The following FGD4 variants were observed in gnomAD, a reference collection of about 807,000 sequenced individuals.
The protein encoded by FGD4 is FYVE, RhoGEF and PH domain containing 4, also known as FYVE, RhoGEF and PH domain-containing protein 4.
FGD4 carries 42 observed loss-of-function variants against 102.0 expected under a neutral mutation model. The observed-to-expected ratio is 0.41, with a 90% CI of 0.32 to 0.53. The LOEUF is 0.53. Ranked by LOEUF, FGD4 falls within the 20% of genes least tolerant of loss-of-function variation. The probability of loss-of-function intolerance (pLI) is 0.21; values close to 1 mark genes in which losing one functional copy is unlikely to be tolerated. For synonymous variants in FGD4, 380 were observed against 375.7 expected (o/e 1.01, Z -0.13); for missense variants, 902 against 1,078.2 (o/e 0.84, Z 2.29).
intron 1 of FGD4, among the ~76,000 whole-genome samples, chr12:32,456,835 TG>T (rs752474921): frequency 6.6e-6 from 1 of 152,226 alleles, no homozygotes; most frequent in Non-Finnish European, 1.5e-5. Flanking sequence ...ACAAATAACC[TG>T]CCGTTTTCTT....
In FGD4 at chr12:32,576,260, C is replaced by T; in HGVS notation, c.320-6C>T. ...TGAAATACTATATTCTATTCTTTTT[C>T]TACAGTGCCTCCAAAGCCATTACAC... On this transcript the variant is annotated splice_region_variant and splice_polypyrimidine_tract_variant and intron_variant, in intron 2 of 16. Transcript: ENST00000534526. The T allele has an allele frequency of 6.3e-7, 1 of 1,578,288 alleles. No individual in the cohort carries two copies. Among genetic ancestry groups the T allele is most frequent in the South Asian group, 1.1e-5 (1 of 87,324 alleles).
At chr12:32,620,006 G>A in intron 11 of FGD4, 136 bp downstream of exon 11, 1 of 1,034,840 alleles carries the variant, frequency 9.7e-7, no homozygotes, top group South Asian at 1.4e-5. Context: ...TAAATGCAGA[G>A]CTGTAGGTTC....
chr12:32,531,649 C>A (rs146870520), intron 1 of FGD4, among the ~76,000 whole-genome samples: 1 of 152,288 alleles, frequency 6.6e-6, no homozygotes, highest in East Asian at 1.9e-4. Flanking sequence ...TGTGGATGTA[C>A]CACAGTTTGT....
intron 1 of FGD4, among the ~76,000 whole-genome samples, chr12:32,501,364 T>G (rs1417606117): frequency 1.3e-5 from 2 of 152,210 alleles, no homozygotes; most frequent in African/African-American, 4.8e-5. Flanking sequence ...TATATTTGGT[T>G]TTCAGCCAAT....
intron 2 of FGD4, among the ~76,000 whole-genome samples, chr12:32,571,288 C>A (rs965694614): frequency 3.3e-5 from 5 of 152,056 alleles, no homozygotes; most frequent in African/African-American, 9.7e-5. Flanking sequence ...AACCCTGTCT[C>A]TACTAAAAGT....
At chr12:32,553,120 GCAGGGACA>G (rs1211511257) in intron 1 of FGD4, among the ~76,000 whole-genome samples, 1 of 151,986 alleles carries the variant, frequency 6.6e-6, no homozygotes, top group Admixed American at 6.6e-5. Context: ...ACATGTCTAT[GCAGGGACA>G]CATGTCCTCT....
intron 14 of FGD4, among the ~76,000 whole-genome samples, chr12:32,631,982 C>A (rs113787103): frequency 6.6e-6 from 1 of 152,122 alleles, no homozygotes; most frequent in East Asian, 1.9e-4. Context: ...AATGAGTTTG[C>A]GGTTACAGGT....
intron 14 of FGD4, 61 bp from the exon 15 acceptor site, chr12:32,633,488 A>G (rs1409285118): frequency 1.3e-6 from 2 of 1,531,904 alleles, no homozygotes; most frequent in Non-Finnish European, 1.8e-6. Context: ...CCTATAACTG[A>G]TTACTGCTTA....
intron 1 of FGD4, among the ~76,000 whole-genome samples, chr12:32,525,668 T>C (rs1592107283): frequency 6.6e-6 from 1 of 152,070 alleles, no homozygotes. Flanking sequence ...CAGGGAGGTG[T>C]GGAGGGAGAG....
chr12:32,483,505 TG>T (rs1943816429), intron 1 of FGD4, among the ~76,000 whole-genome samples: 1 of 152,210 alleles, frequency 6.6e-6, no homozygotes, highest in Non-Finnish European at 1.5e-5. Context: ...TCTTTTTCTT[TG>T]CCCTCCAAAC....
At chr12:32,536,500 T>TTATAAAATAACAAGC (rs1218796708) in intron 1 of FGD4, among the ~76,000 whole-genome samples, 1 of 152,232 alleles carries the variant, frequency 6.6e-6, no homozygotes, top group East Asian at 1.9e-4. Context: ...CCTGTTTTCT[T>TTATAAAATAACAAGC]TATAAAATAA....
intron 1 of FGD4, among the ~76,000 whole-genome samples, chr12:32,552,264 TTTG>T (rs764409692): frequency 6.6e-6 from 1 of 152,148 alleles, no homozygotes; most frequent in Non-Finnish European, 1.5e-5. Context: ...TATTTGTTTC[TTTG>T]TTTGTTTTTT....
intron 1 of FGD4, among the ~76,000 whole-genome samples, chr12:32,473,047 C>T (rs1943463397): frequency 6.6e-6 from 1 of 151,508 alleles, no homozygotes; most frequent in African/African-American, 2.4e-5. Flanking sequence ...CTGGTGGGGC[C>T]TTGGAGAACC....
Position 32,612,428 on chromosome 12 carries a change from C to G in FGD4, c.1749+1145C>G, listed in dbSNP as rs894298391. Among the ~76,000 whole-genome samples, 28 of 152,280 alleles carry G rather than the reference C, an allele frequency of 1.8e-4. 1 individual carries two copies. The highest frequency in any genetic ancestry group is 1.1e-3 in the Admixed American group (17 of 15,300). The stretch of plus-strand genomic sequence containing the variant: ...GGCCGAATGGGCAGAATGAGCCCAG[C>G]AGGCCCAAGCAGAACTCAGGCAAAG... On this transcript the variant is annotated intron_variant, in intron 10 of 16. Coordinates refer to ENST00000534526, the MANE Select transcript of FGD4 (RefSeq NM_001370298.3).
At position 32,582,355 on chromosome 12, in the gene FGD4, CAGT is replaced by C. The variant is rs1171769884; in HGVS notation, c.900_902del (p.Val301del). Reference sequence around the variant, plus strand: ...AGCTACAGGACTCCAGGCATAGGCCCAGTGCTCCCCCTAGAAGAAAGAGGGGCA... The same window carrying C: ...AGCTACAGGACTCCAGGCATAGGCCCGCTCCCCCTAGAAGAAAGAGGGGCA... On this transcript the variant is annotated inframe_deletion, in exon 4 of 17. Coordinates refer to ENST00000534526, the MANE Select transcript of FGD4 (RefSeq NM_001370298.3). 9.3e-6 allele frequency: 15 copies of C among 1,614,116 alleles called. No homozygotes were observed. The highest frequency in any genetic ancestry group is 1.3e-5 in the Non-Finnish European group (15 of 1,180,008).
intron 11 of FGD4, among the ~76,000 whole-genome samples, chr12:32,620,558 C>T (rs1422088722): frequency 8.0e-6 from 1 of 124,260 alleles, no homozygotes; most frequent in Non-Finnish European, 1.6e-5. Context: ...TGGAGTTTCG[C>T]TCTCATTGGC....
chr12:32,594,717 G>A (rs1947740640), intron 4 of FGD4, among the ~76,000 whole-genome samples: 2 of 149,100 alleles, frequency 1.3e-5, no homozygotes, highest in South Asian at 2.2e-4. Flanking sequence ...TATAAATTAT[G>A]CCTCAACCAT....
At chr12:32,500,558 C>T (rs1463430512) in intron 1 of FGD4, among the ~76,000 whole-genome samples, 1 of 152,014 alleles carries the variant, frequency 6.6e-6, no homozygotes, top group African/African-American at 2.4e-5. Flanking sequence ...CTCAGCCTCC[C>T]TAGTAGCTGG....
At chr12:32,418,957 C>T (rs749085822) in intron 1 of FGD4, among the ~76,000 whole-genome samples, 7 of 152,202 alleles carry the variant, frequency 4.6e-5, no homozygotes, top group East Asian at 1.9e-4. Context: ...CTTCCCTCCC[C>T]TTTCCACGGG....
Sources: gnomAD v4.1 joint callset for allele counts (sites outside exome capture counted in the v4.1 genomes callset) on GRCh38, gnomAD v4.1.1 for gene constraint, MANE v1.5 for transcripts, NCBI Gene and HGNC (gene_info 2026-07-23, HGNC 2026-07-21) for gene names.